Variants in OPN3 observed in about 807,000 individuals in gnomAD.
OPN3 encodes opsin 3.
In OPN3, 29 loss-of-function variants were observed where a neutral mutation model predicts 33.8. The observed-to-expected ratio is 0.86, with a 90% CI of 0.64 to 1.17. The LOEUF (loss-of-function observed/expected upper bound fraction) is 1.17. Ranked by LOEUF, OPN3 falls within the 50% of genes most tolerant of loss-of-function variation. The pLI, the probability that OPN3 is intolerant of heterozygous loss-of-function variation, is 0.00. For missense variants in OPN3, 437 were observed against 514.1 expected, an observed-to-expected ratio of 0.85 and a Z score of 1.45; for synonymous variants, 216 against 216.1, an observed-to-expected ratio of 1.00 and a Z score of 0.00.
chr1:241,616,923 T>TA (rs1462159124), intron 1 of OPN3, among the ~76,000 whole-genome samples: 1 of 152,196 alleles, frequency 6.6e-6, no homozygotes, highest in Non-Finnish European at 1.5e-5. Flanking sequence ...TTTTGGCTAT[T>TA]AAAAAATCTA....
intron 2 of OPN3, chr1:241,600,329 A>T (rs1663647602): frequency 6.6e-6 from 1 of 150,882 alleles, no homozygotes; most frequent in South Asian, 2.1e-4. Flanking sequence ...CTATTCCTTC[A>T]TTCTGCTCAT....
intron 1 of OPN3, among the ~76,000 whole-genome samples, chr1:241,612,561 G>T (rs1315433523): frequency 6.6e-6 from 1 of 152,152 alleles, no homozygotes; most frequent in Non-Finnish European, 1.5e-5. Flanking sequence ...ATTCAGCATG[G>T]ATTATGAGGT....
At chr1:241,604,671 A>G (rs1663777802) in intron 1 of OPN3, 92 bp from the exon 2 acceptor site, 1 of 1,120,600 alleles carries the variant, frequency 8.9e-7, no homozygotes, top group African/African-American at 1.6e-5. Flanking sequence ...AATACCTTAC[A>G]GAGTATCTGA....
At chr1:241,617,442 C>T (rs531791128) in intron 1 of OPN3, among the ~76,000 whole-genome samples, 11 of 152,180 alleles carry the variant, frequency 7.2e-5, no homozygotes, top group South Asian at 4.1e-4. Flanking sequence ...GAAAAAAATC[C>T]GATATCCCAG....
intron 1 of OPN3, among the ~76,000 whole-genome samples, chr1:241,625,075 A>G (rs1307135207): frequency 6.6e-6 from 1 of 152,240 alleles, no homozygotes; most frequent in Non-Finnish European, 1.5e-5. Context: ...GACACGGTTC[A>G]TGCTCAATAA....
intron 1 of OPN3, among the ~76,000 whole-genome samples, chr1:241,620,263 A>T (rs1402053112): frequency 7.0e-6 from 1 of 143,816 alleles, no homozygotes; most frequent in African/African-American, 2.6e-5. Flanking sequence ...AAACATTTAA[A>T]TTTTTAAAAG....
intron 1 of OPN3, chr1:241,635,911 T>C (rs1162265875): frequency 8.2e-6 from 6 of 734,622 alleles, no homozygotes; most frequent in Non-Finnish European, 8.8e-6. Context: ...GTTACCCTTT[T>C]AAAATATTTT....
intron 1 of OPN3, among the ~76,000 whole-genome samples, chr1:241,614,993 A>C (rs773239561): frequency 6.6e-5 from 10 of 152,210 alleles, no homozygotes; most frequent in African/African-American, 2.4e-4. Flanking sequence ...CTTTTTCCAC[A>C]CTTATGCCTC....
chr1:241,635,196 CTG>C (rs767371470), intron 1 of OPN3: 3 of 1,613,234 alleles, frequency 1.9e-6, no homozygotes, highest in Non-Finnish European at 2.5e-6. Context: ...TTATCTGAAA[CTG>C]TGTGCATACA....
At chr1:241,638,865 C>T (rs999228180) in intron 1 of OPN3, among the ~76,000 whole-genome samples, 14 of 152,076 alleles carry the variant, frequency 9.2e-5, no homozygotes, top group South Asian at 2.1e-4. Flanking sequence ...GATTTTTGTT[C>T]TCCCAAACCT....
intron 3 of OPN3, among the ~76,000 whole-genome samples, chr1:241,597,533 A>G (rs774424368): frequency 7.9e-5 from 12 of 152,250 alleles, no homozygotes; most frequent in East Asian, 7.7e-4. Context: ...CTAGAATTCT[A>G]CCTAACAAGT....
At chr1:241,601,221 G>A (rs978497479) in intron 2 of OPN3, 2 of 152,066 alleles carry the variant, frequency 1.3e-5, no homozygotes, top group African/African-American at 2.4e-5. Context: ...AGGACCTGCC[G>A]GCCACACCCA....
chr1:241,621,277 T>C (rs1664263537), intron 1 of OPN3, among the ~76,000 whole-genome samples: 1 of 152,000 alleles, frequency 6.6e-6, no homozygotes, highest in South Asian at 2.1e-4. Flanking sequence ...GTGCAAGTAG[T>C]AGACAATCAG....
intron 1 of OPN3, among the ~76,000 whole-genome samples, chr1:241,621,564 C>T (rs1664268385): frequency 6.6e-6 from 1 of 152,052 alleles, no homozygotes; most frequent in Admixed American, 6.6e-5. Flanking sequence ...AATGAGTCAC[C>T]TATTCTACTA....
intron 1 of OPN3, among the ~76,000 whole-genome samples, chr1:241,607,511 C>A (rs1405649702): frequency 6.8e-6 from 1 of 147,984 alleles, no homozygotes; most frequent in Non-Finnish European, 1.5e-5. Context: ...AAGACTCCAT[C>A]AAAAGACAGA....
intron 1 of OPN3, among the ~76,000 whole-genome samples, chr1:241,624,972 A>G (rs575260795): frequency 6.6e-6 from 1 of 152,372 alleles, no homozygotes; most frequent in African/African-American, 2.4e-5. Context: ...TGAGGATAAC[A>G]TAAAATAAAT....
chr1:241,626,139 A>C (rs947637690), intron 1 of OPN3, among the ~76,000 whole-genome samples: 1 of 152,206 alleles, frequency 6.6e-6, no homozygotes, highest in African/African-American at 2.4e-5. Context: ...CTAATAATAC[A>C]AGAAGCCAGG....
chr1:241,629,152 G>C (rs1012355762), intron 1 of OPN3: 5 of 152,378 alleles, frequency 3.3e-5, no homozygotes, highest in Admixed American at 6.6e-5. Flanking sequence ...CAATCGTTGG[G>C]CTTTTTTCCC....
At chr1:241,639,838 G>A in intron 1 of OPN3, 44 bp downstream of exon 1, 1 of 1,443,550 alleles carries the variant, frequency 6.9e-7, no homozygotes. Flanking sequence ...GGTGGGGAGT[G>A]GAAGTTTGCA....
Sources: gnomAD v4.1 joint callset for allele counts (sites outside exome capture counted in the v4.1 genomes callset) on GRCh38, gnomAD v4.1.1 for gene constraint, MANE v1.5 for transcripts, NCBI Gene and HGNC (gene_info 2026-07-23, HGNC 2026-07-21) for gene names.